The following UBE4A variants were observed in gnomAD, a reference collection of about 807,000 sequenced individuals.
UBE4A encodes ubiquitin conjugation factor E4 A.
In UBE4A, 48 loss-of-function variants were observed where a neutral mutation model predicts 117.9. That is an observed-to-expected ratio of 0.41 (90% CI 0.32 to 0.52). The LOEUF (loss-of-function observed/expected upper bound fraction) is 0.52, where lower values mean the gene tolerates loss of function less well. UBE4A is among the 20% of genes least tolerant of loss of function. UBE4A has a pLI of 0.33. For synonymous variants in UBE4A, 407 were observed against 450.0 expected (o/e 0.90, Z 1.21); for missense variants, 1,067 against 1,296.3 (o/e 0.82, Z 2.72).
intron 2 of UBE4A, 133 bp from the exon 3 acceptor site, chr11:118,368,498 G>A (rs866708748): frequency 9.7e-7 from 1 of 1,032,588 alleles, no homozygotes; most frequent in South Asian, 1.6e-5. Context: ...GACTTGAGAT[G>A]TTCACTAATT....
In UBE4A at chr11:118,361,093, G is replaced by A. The variant is rs117798518; in HGVS notation, c.-42+1419G>A. 4.4e-3 allele frequency among the ~76,000 whole-genome samples: 654 copies of A among 147,058 alleles called. 5 individuals are homozygous for A. The highest frequency in any genetic ancestry group is 6.3e-3 in the Non-Finnish European group (426 of 67,310). ...GTGCAGTGGCACGATCTCAGCTCAC[G>A]GCAACCTCCATCTCCCAGTTTAAAA... On this transcript the variant is annotated intron_variant, in intron 1 of 19. Transcript: ENST00000252108.
intron 4 of UBE4A, among the ~76,000 whole-genome samples, chr11:118,370,215 C>A (rs988132320): frequency 6.6e-6 from 1 of 152,186 alleles, no homozygotes; most frequent in African/African-American, 2.4e-5. Flanking sequence ...TCTCATGTTG[C>A]GGCTTTCTTA....
intron 16 of UBE4A, among the ~76,000 whole-genome samples, chr11:118,388,388 C>T (rs1238785194): frequency 2.0e-5 from 3 of 152,206 alleles, no homozygotes; most frequent in African/African-American, 7.2e-5. Flanking sequence ...CGGTGGCTCA[C>T]GCCTGTAATC....
chr11:118,386,611 A>G lies in UBE4A; in HGVS notation c.2586A>G (p.Ser862=). ...ETIGTLAFLT[S]EIKSLFVHPF... The stretch of plus-strand genomic sequence containing the variant: ...TCGGTACCCTTGCCTTTCTCACATC[A>G]GGTAAGGACATGAAGTACTGCTTCC... Residue 862 remains serine, a splice_region_variant and synonymous_variant, in exon 16 of 20, where the codon TCA becomes TCG. Coordinates refer to ENST00000252108, the MANE Select transcript of UBE4A (RefSeq NM_001204077.2). 3.2e-6 allele frequency: 5 copies of G among 1,561,506 alleles called. No homozygotes were observed. The highest frequency in any genetic ancestry group is 4.3e-6 in the Non-Finnish European group (5 of 1,158,520).
intron 18 of UBE4A, among the ~76,000 whole-genome samples, chr11:118,391,711 G>A (rs886215532): frequency 4.0e-5 from 6 of 150,584 alleles, no homozygotes; most frequent in Non-Finnish European, 8.8e-5. Flanking sequence ...GGAGAATGGC[G>A]TGAACCCAGG....
intron 16 of UBE4A, among the ~76,000 whole-genome samples, chr11:118,388,861 T>TAA: frequency 6.6e-6 from 1 of 152,192 alleles, no homozygotes; most frequent in South Asian, 2.1e-4. Flanking sequence ...CTCAGCACTT[T>TAA]GGGAGGCCAA....
At chr11:118,389,371 C>T (rs544911191) in intron 16 of UBE4A, among the ~76,000 whole-genome samples, 64 of 152,180 alleles carry the variant, frequency 4.2e-4, no homozygotes, top group African/African-American at 1.4e-3. Context: ...TTACTGAAAA[C>T]AGTAAGTTTC....
chr11:118,370,845 T>C (rs996299241), intron 4 of UBE4A, among the ~76,000 whole-genome samples: 1 of 152,068 alleles, frequency 6.6e-6, no homozygotes, highest in Non-Finnish European at 1.5e-5. Flanking sequence ...AAGAACCCGC[T>C]CTGGAGGGAA....
At chr11:118,362,342 T>C (rs1948526943) in intron 1 of UBE4A, among the ~76,000 whole-genome samples, 1 of 152,188 alleles carries the variant, frequency 6.6e-6, no homozygotes, top group Non-Finnish European at 1.5e-5. Flanking sequence ...GTCAGGCTGG[T>C]CTTGAACTCC....
intron 1 of UBE4A, among the ~76,000 whole-genome samples, chr11:118,363,245 A>G (rs1423172326): frequency 2.6e-5 from 4 of 152,200 alleles, no homozygotes; most frequent in Non-Finnish European, 5.9e-5. Context: ...ACATAGCAAA[A>G]AATAAAATAC....
At chr11:118,374,084 G>A (rs989870009) in intron 8 of UBE4A, among the ~76,000 whole-genome samples, 9 of 151,914 alleles carry the variant, frequency 5.9e-5, no homozygotes, top group South Asian at 2.1e-4. Context: ...ATCACGCTCC[G>A]GCCTGGATGA....
chr11:118,389,316 A>G (rs902988054), intron 16 of UBE4A, among the ~76,000 whole-genome samples: 1 of 152,240 alleles, frequency 6.6e-6, no homozygotes, highest in Non-Finnish European at 1.5e-5. Context: ...GTTGGATAGC[A>G]CAGGGACATA....
chr11:118,392,760 A>C lies in UBE4A; in HGVS notation c.2939A>C (p.Gln980Pro), dbSNP rs1555128802. ...RIKSLADLQQQEEETYADACD... is the reference protein window; with the variant it reads ...RIKSLADLQQPEEETYADACD... ...CAGTCTCTTGCAGACCTCCAACAAC[A>C]GGAAGAGGAAACCTATGCAGATGCC... Residue 980 changes from glutamine to proline, a missense_variant, in exon 19 of 20, where the codon CAG becomes CCG. Physicochemically the swap from Gln to Pro is moderately conservative, Grantham distance 76 (BLOSUM62 -1). Around this residue, in one of 3 missense-constraint regions of UBE4A, gnomAD observed 34 missense variants for 77.7 expected, o/e 0.44. Transcript: ENST00000252108. 6.2e-7 allele frequency: 1 copy of C among 1,613,960 alleles called. No homozygotes were observed. Among genetic ancestry groups the C allele is most frequent in the Non-Finnish European group, 8.5e-7 (1 of 1,179,988 alleles).
rs1370878742 is a variant in UBE4A at position 118,375,352 on chromosome 11, A to G, written c.1450+123A>G. 1.2e-5 allele frequency: 12 copies of G among 1,037,000 alleles called. No individual in the cohort carries two copies. The African/African-American group carries it at 1.5e-4, about 13-fold the overall frequency. The allele number at this position is 1,037,000 out of a possible 1,614,324, so 64.2% of individuals were successfully genotyped here. A position where few individuals can be genotyped will look rare whatever the true frequency, so the allele number is the denominator to read the frequency against. ...AAAAAAGATGAGGCAGAAACGAGCT[A>G]TTTCGATTTTTTTTTCTTTTTTTTT... is the stretch of plus-strand genomic sequence containing the variant. On this transcript the variant is annotated intron_variant, in intron 9 of 19. Transcript: ENST00000252108.
At position 118,379,706 on chromosome 11, in the gene UBE4A, C is replaced by T. The variant is rs1263081825; in HGVS notation, c.1832C>T (p.Thr611Ile). ...GNEGSQPIEL[T>I]FPLPDGYSSL... ...GAGGGCTCACAGCCAATAGAGCTAA[C>T]CTTTCCTTTGCCAGATGGCTACAGC... The change falls in exon 11 of 20, where the codon ACC becomes ATC. Residue 611 changes from threonine to isoleucine, a missense_variant. Thr to Ile is a moderately conservative substitution (Grantham distance 89, BLOSUM62 -1). Around this residue, in one of 3 missense-constraint regions of UBE4A, gnomAD observed 1,001 missense variants for 1,184.0 expected, o/e 0.85. Coordinates refer to ENST00000252108, the MANE Select transcript of UBE4A (RefSeq NM_001204077.2). The T allele has an allele frequency of 6.2e-7, 1 of 1,613,162 alleles. No individual in the cohort carries two copies. Among genetic ancestry groups the T allele is most frequent in the Admixed American group, 1.7e-5 (1 of 60,012 alleles).
intron 17 of UBE4A, 139 bp from the exon 18 acceptor site, chr11:118,390,518 T>A: frequency 4.0e-6 from 1 of 251,614 alleles, no homozygotes; most frequent in Admixed American, 4.1e-5. Flanking sequence ...AAATAATATA[T>A]ATTGAAATAA....
chr11:118,371,802 A>C, intron 5 of UBE4A, 136 bp downstream of exon 5: 1 of 888,580 alleles, frequency 1.1e-6, no homozygotes, highest in South Asian at 2.6e-5. Flanking sequence ...AGGGACACTA[A>C]AGCTTTTATA....
chr11:118,394,386 T>G (rs1317019501), intron 19 of UBE4A, among the ~76,000 whole-genome samples: 3 of 152,130 alleles, frequency 2.0e-5, no homozygotes, highest in Non-Finnish European at 2.9e-5. Flanking sequence ...AGTCTCAAAC[T>G]CCTGGGCTCA....
In UBE4A at chr11:118,376,637, ACCTT is replaced by A; in HGVS notation, c.1515_1518del (p.Asn505LysfsTer2). On this transcript the variant is annotated frameshift_variant, in exon 10 of 20. Coordinates refer to ENST00000252108, the MANE Select transcript of UBE4A (RefSeq NM_001204077.2). LOFTEE classifies it high-confidence loss of function. ...GAGCCGAAGTTTCCACAGAACTACA[ACCTT>A]GTAACAGAGAACCTTGCTCTGACAG... The A allele has an allele frequency of 6.2e-7, 1 of 1,614,086 alleles. No homozygotes were observed. Among genetic ancestry groups the A allele is most frequent in the Non-Finnish European group, 8.5e-7 (1 of 1,179,998 alleles).
Sources: allele counts gnomAD v4.1 joint callset (sites outside exome capture counted in the v4.1 genomes callset), GRCh38; gene constraint gnomAD v4.1.1; regional missense constraint gnomAD v4.1.1; transcripts MANE v1.5; gene names NCBI Gene and HGNC (gene_info 2026-07-23, HGNC 2026-07-21).